The following ANKS1B variants were observed in gnomAD, a reference collection of about 807,000 sequenced individuals.
ANKS1B encodes ankyrin repeat and sterile alpha motif domain-containing protein 1B.
In ANKS1B, 36 loss-of-function variants were observed where a neutral mutation model predicts 148.3. The ratio of observed to expected loss-of-function variants is 0.24; its 90% CI spans 0.19 to 0.32. The LOEUF (loss-of-function observed/expected upper bound fraction) is 0.32. Among genes scored for constraint, ANKS1B ranks in the 10% least tolerant of loss-of-function variants. The pLI is 1.00. For missense variants in ANKS1B, 1,157 were observed against 1,542.6 expected, an observed-to-expected ratio of 0.75 and a Z score of 4.19; for synonymous variants, 542 against 560.8, an observed-to-expected ratio of 0.97 and a Z score of 0.47.
intron 17 of ANKS1B, among the ~76,000 whole-genome samples, chr12:98,834,307 T>C (rs572527910): frequency 5.4e-4 from 82 of 152,344 alleles, no homozygotes; most frequent in Non-Finnish European, 9.6e-4. Context: ...TGGCTCACAA[T>C]ATTCCAGGTG....
At chr12:99,007,087 C>G (rs1467793784) in intron 17 of ANKS1B, among the ~76,000 whole-genome samples, 1 of 152,160 alleles carries the variant, frequency 6.6e-6, no homozygotes, top group Admixed American at 6.5e-5. Context: ...TTTTCTCTTG[C>G]TTTTGCTCTG....
chr12:99,336,015 G>T (rs997355547), intron 12 of ANKS1B, among the ~76,000 whole-genome samples: 1 of 151,946 alleles, frequency 6.6e-6, no homozygotes. Context: ...CCACATCCTC[G>T]CTAGCATTCA....
intron 1 of ANKS1B, among the ~76,000 whole-genome samples, chr12:99,956,432 T>A (rs2153827867): frequency 6.6e-6 from 1 of 152,240 alleles, no homozygotes; most frequent in South Asian, 2.1e-4. Context: ...TTCTACTACA[T>A]CTCCTTTCTT....
intron 12 of ANKS1B, among the ~76,000 whole-genome samples, chr12:99,339,555 G>T (rs2152322303): frequency 6.6e-6 from 1 of 152,226 alleles, no homozygotes; most frequent in South Asian, 2.1e-4. Flanking sequence ...TGGTGTTCCT[G>T]AGGTGGGGGA....
chr12:99,390,425 G>A (rs12580957), intron 12 of ANKS1B, among the ~76,000 whole-genome samples: 1 of 152,100 alleles, frequency 6.6e-6, no homozygotes, highest in Non-Finnish European at 1.5e-5. Context: ...AAGATCTATT[G>A]TATAGACAAA....
chr12:99,290,775 A>C (rs963372577), intron 12 of ANKS1B, among the ~76,000 whole-genome samples: 1 of 152,144 alleles, frequency 6.6e-6, no homozygotes, highest in Non-Finnish European at 1.5e-5. Context: ...ACATACTTTA[A>C]CATAATAAAA....
At chr12:99,893,206 C>T (rs952687367) in intron 1 of ANKS1B, among the ~76,000 whole-genome samples, 1 of 151,910 alleles carries the variant, frequency 6.6e-6, no homozygotes, top group Non-Finnish European at 1.5e-5. Context: ...GTCAGGAGAT[C>T]GAGACCATCC....
At chr12:99,602,978 G>C (rs777271191) in intron 9 of ANKS1B, among the ~76,000 whole-genome samples, 1 of 151,982 alleles carries the variant, frequency 6.6e-6, no homozygotes, top group African/African-American at 2.4e-5. Context: ...AGACTGATTT[G>C]TTTGCAAAAT....
At chr12:99,410,465 C>G (rs550120216) in intron 11 of ANKS1B, among the ~76,000 whole-genome samples, 119 of 152,172 alleles carry the variant, frequency 7.8e-4, no homozygotes, top group African/African-American at 2.7e-3. Flanking sequence ...GTCAGGAGAT[C>G]GAGACCATCC....
chr12:99,861,225 C>T (rs1001309544), intron 1 of ANKS1B, among the ~76,000 whole-genome samples: 1 of 152,204 alleles, frequency 6.6e-6, no homozygotes, highest in Admixed American at 6.5e-5. Flanking sequence ...AATTATAATG[C>T]AAATCATTCT....
At position 99,782,021 on chromosome 12, in the gene ANKS1B, C is replaced by T; in HGVS notation, c.745+1G>A. The stretch of plus-strand genomic sequence containing the variant: ...GCTCCATGCAGAATCACAATAGTTA[C>T]CTGTTTCTAACAGAACTCGTACAAC... On this transcript the variant is annotated splice_donor_variant, in intron 5 of 26. Transcript: ENST00000683438. LOFTEE classifies it high-confidence loss of function. 6.3e-7 allele frequency: 1 copy of T among 1,599,046 alleles called. No homozygotes were observed. Among genetic ancestry groups the T allele is most frequent in the Non-Finnish European group, 8.5e-7 (1 of 1,172,426 alleles).
chr12:99,496,844 A>G (rs1233638643), intron 10 of ANKS1B, among the ~76,000 whole-genome samples: 4 of 152,204 alleles, frequency 2.6e-5, no homozygotes, highest in Non-Finnish European at 5.9e-5. Context: ...TACTTATACC[A>G]TGAATACACA....
chr12:98,947,458 CA>C (rs548827239), intron 17 of ANKS1B, among the ~76,000 whole-genome samples: 82 of 152,226 alleles, frequency 5.4e-4, no homozygotes, highest in Non-Finnish European at 1.0e-3. Context: ...GGGAGAAAAG[CA>C]AGGAGTCAAG....
intron 16 of ANKS1B, among the ~76,000 whole-genome samples, chr12:99,055,335 A>G (rs1037620352): frequency 6.6e-6 from 1 of 152,222 alleles, no homozygotes; most frequent in Non-Finnish European, 1.5e-5. Flanking sequence ...ACTGCTTAGT[A>G]GGGAGGTCTT....
chr12:99,860,366 G>C (rs1397522237), intron 1 of ANKS1B, among the ~76,000 whole-genome samples: 1 of 152,212 alleles, frequency 6.6e-6, no homozygotes, highest in East Asian at 1.9e-4. Context: ...TGAGGCTGGG[G>C]TCATGAAACA....
chr12:99,081,106 T>C (rs2049582962), intron 16 of ANKS1B, among the ~76,000 whole-genome samples: 3 of 152,226 alleles, frequency 2.0e-5, no homozygotes, highest in Admixed American at 6.5e-5. Flanking sequence ...AATCTTCGCA[T>C]TGGTGAATAT....
intron 12 of ANKS1B, among the ~76,000 whole-genome samples, chr12:99,388,728 T>C (rs1172857734): frequency 6.6e-6 from 1 of 152,180 alleles, no homozygotes; most frequent in Non-Finnish European, 1.5e-5. Context: ...GCCAGGGTCC[T>C]TTTCTAAGCT....
At chr12:99,624,686 A>G (rs548072742) in intron 9 of ANKS1B, among the ~76,000 whole-genome samples, 124 of 152,266 alleles carry the variant, frequency 8.1e-4, no homozygotes, top group Admixed American at 1.6e-3. Context: ...ATGCAAATCA[A>G]AACCACAATA....
intron 17 of ANKS1B, among the ~76,000 whole-genome samples, chr12:98,935,761 A>G (rs964604821): frequency 2.0e-5 from 3 of 152,194 alleles, no homozygotes; most frequent in Admixed American, 1.3e-4. Flanking sequence ...GAGACTTTGG[A>G]CAAAAAGTAC....
Sources: gnomAD v4.1 joint callset for allele counts (sites outside exome capture counted in the v4.1 genomes callset) on GRCh38, gnomAD v4.1.1 for gene constraint, MANE v1.5 for transcripts, NCBI Gene and HGNC (gene_info 2026-07-23, HGNC 2026-07-21) for gene names.